ASTN1: variants seen among roughly 807,000 people sequenced by gnomAD.
The protein encoded by ASTN1 is astrotactin 1, also known as astrotactin-1.
In ASTN1, 41 loss-of-function variants were observed where a neutral mutation model predicts 140.7. The ratio of observed to expected loss-of-function variants is 0.29; its 90% CI spans 0.23 to 0.38. The LOEUF is 0.38. ASTN1 is among the 10% of genes least tolerant of loss of function. ASTN1 has a pLI of 1.00. For missense variants in ASTN1, 1,479 were observed against 1,678.8 expected (o/e 0.88, Z 2.08); for synonymous variants, 640 against 652.2 (o/e 0.98, Z 0.29).
At chr1:176,991,454 A>C (rs1674169415) in intron 8 of ASTN1, among the ~76,000 whole-genome samples, 1 of 148,646 alleles carries the variant, frequency 6.7e-6, no homozygotes, top group African/African-American at 2.5e-5. Flanking sequence ...AAAAAAAAAA[A>C]AAAACCAACA....
chr1:176,985,851 C>CT (rs1332401640), intron 8 of ASTN1, among the ~76,000 whole-genome samples: 305 of 126,976 alleles, frequency 2.4e-3, no homozygotes, highest in African/African-American at 8.6e-3. Flanking sequence ...TCTCTACACA[C>CT]ACACACACAC....
At chr1:176,877,126 C>T (rs1668599024) in intron 20 of ASTN1, among the ~76,000 whole-genome samples, 1 of 152,136 alleles carries the variant, frequency 6.6e-6, no homozygotes, top group Admixed American at 6.5e-5. Flanking sequence ...GGGTCTGAAG[C>T]CACATAGTTA....
chr1:177,129,939 C>G (rs964780395), intron 1 of ASTN1, among the ~76,000 whole-genome samples: 1 of 152,012 alleles, frequency 6.6e-6, no homozygotes, highest in Non-Finnish European at 1.5e-5. Context: ...TGCGCTCCAG[C>G]CTGGGCAACA....
intron 2 of ASTN1, among the ~76,000 whole-genome samples, chr1:177,034,689 T>C (rs1883246): frequency 0.58 from 87,333 of 151,822 alleles, 25,496 homozygotes; most frequent in Middle Eastern, 0.62. Context: ...GTGTCCAACC[T>C]GACATTTTTT....
intron 2 of ASTN1, among the ~76,000 whole-genome samples, chr1:177,042,482 T>A (rs925119904): frequency 6.6e-6 from 1 of 152,206 alleles, no homozygotes; most frequent in African/African-American, 2.4e-5. Context: ...TACATGTGCT[T>A]AACTCTTCCT....
chr1:176,893,806 T>C (rs949259677), intron 17 of ASTN1, among the ~76,000 whole-genome samples: 1 of 152,188 alleles, frequency 6.6e-6, no homozygotes, highest in African/African-American at 2.4e-5. Flanking sequence ...TGCTACTGCT[T>C]TGTGTTTGGA....
At chr1:177,109,933 A>G (rs1380956529) in intron 1 of ASTN1, among the ~76,000 whole-genome samples, 1 of 152,164 alleles carries the variant, frequency 6.6e-6, no homozygotes. Context: ...TGATTTTTCT[A>G]TTCCTTGAAA....
rs1018633108 is a variant in ASTN1, at chr1:176,991,546, G to T, written c.1523+23245C>A. On this transcript the variant is annotated intron_variant, in intron 8 of 22. Coordinates refer to ENST00000361833, the MANE Select transcript of ASTN1 (RefSeq NM_004319.3). ...GAAAGAGAATTAAAACGGAGATGAAGTGATGTAGAACCAGGAGCCAGGCGA... is the reference window on the plus strand; with the variant it reads ...GAAAGAGAATTAAAACGGAGATGAATTGATGTAGAACCAGGAGCCAGGCGA... Among the ~76,000 whole-genome samples the T allele has an allele frequency of 2.0e-5, 3 of 148,808 alleles. No homozygotes were observed. The Admixed American group carries it at 2.0e-4, about 10-fold the overall frequency.
chr1:176,976,548 G>C (rs1673372656), intron 8 of ASTN1: 1 of 152,244 alleles, frequency 6.6e-6, no homozygotes, highest in Non-Finnish European at 1.5e-5. Context: ...TCTGAAGTCA[G>C]ATAGATCTCC....
At chr1:176,967,477 G>C (rs1352496614) in intron 8 of ASTN1, among the ~76,000 whole-genome samples, 1 of 152,094 alleles carries the variant, frequency 6.6e-6, no homozygotes, top group African/African-American at 2.4e-5. Context: ...TTTTGGGTAG[G>C]ATCATATTTT....
Position 176,876,679 on chromosome 1 carries a change from G to A in ASTN1, c.3363-42C>T, listed in dbSNP as rs757445466. On this transcript the variant is annotated intron_variant, in intron 20 of 22. Transcript: ENST00000361833. ...GGGCATGGTTAGCAGAAACAGTGTG[G>A]CTGGAGGCTAGATCTCTGTGGCCCT... 4 of 1,591,844 alleles carry A rather than the reference G, an allele frequency of 2.5e-6. No homozygotes were observed. The African/African-American group carries it at 4.0e-5, about 16-fold the overall frequency.
At chr1:176,933,515 T>C (rs1671295996) in intron 16 of ASTN1, among the ~76,000 whole-genome samples, 1 of 152,232 alleles carries the variant, frequency 6.6e-6, no homozygotes. Flanking sequence ...ATGCCTGCTA[T>C]ACCAGAGGGT....
At chr1:177,007,333 G>A (rs1036421449) in intron 8 of ASTN1, among the ~76,000 whole-genome samples, 2 of 152,072 alleles carry the variant, frequency 1.3e-5, no homozygotes, top group South Asian at 2.1e-4. Context: ...TGAAGGTTGC[G>A]TGAGCCAAGA....
chr1:177,017,168 C>T (rs568187179), intron 7 of ASTN1, among the ~76,000 whole-genome samples: 71 of 152,336 alleles, frequency 4.7e-4, no homozygotes, highest in African/African-American at 9.9e-4. Context: ...AAATTGCCTT[C>T]GTAGTCATTA....
intron 3 of ASTN1, among the ~76,000 whole-genome samples, chr1:177,031,288 C>G (rs932649364): frequency 6.6e-6 from 1 of 152,144 alleles, no homozygotes; most frequent in Non-Finnish European, 1.5e-5. Flanking sequence ...TTGGTCAGCA[C>G]AGAGTTTTAA....
chr1:177,052,921 C>T (rs568654038), intron 2 of ASTN1, among the ~76,000 whole-genome samples: 2 of 152,316 alleles, frequency 1.3e-5, no homozygotes, highest in African/African-American at 4.8e-5. Context: ...ATCCTGGCTT[C>T]CTTTCTTACA....
intron 18 of ASTN1, among the ~76,000 whole-genome samples, chr1:176,885,312 C>T (rs578010186): frequency 2.0e-5 from 3 of 152,344 alleles, no homozygotes; most frequent in Admixed American, 6.5e-5. Context: ...CTTGCCAGCT[C>T]ATACCTCTCT....
chr1:177,091,568 T>C (rs1412422696), intron 1 of ASTN1, among the ~76,000 whole-genome samples: 3 of 152,200 alleles, frequency 2.0e-5, no homozygotes, highest in Non-Finnish European at 4.4e-5. Flanking sequence ...TTGCATACCA[T>C]AAAATTTACT....
In ASTN1 at chr1:176,987,175, T is replaced by A. The variant is rs557760770; in HGVS notation, c.1524-21938A>T. 4.6e-5 allele frequency among the ~76,000 whole-genome samples: 7 copies of A among 152,310 alleles called. No individual in the cohort carries two copies. In the South Asian group the frequency reaches 1.5e-3, roughly 32 times the overall value. On this transcript the variant is annotated intron_variant, in intron 8 of 22. Coordinates refer to ENST00000361833, the MANE Select transcript of ASTN1 (RefSeq NM_004319.3). ...CCATAGTGCTGAGGTTGAGAAACCC[T>A]GATCTAATGCAGGAATCATGATACT...
Sources: gnomAD v4.1 joint callset for allele counts (sites outside exome capture counted in the v4.1 genomes callset) on GRCh38, gnomAD v4.1.1 for gene constraint, MANE v1.5 for transcripts, NCBI Gene and HGNC (gene_info 2026-07-23, HGNC 2026-07-21) for gene names.